The following BCAS1 variants were observed in gnomAD, a reference collection of about 807,000 sequenced individuals.
BCAS1 encodes the protein breast carcinoma-amplified sequence 1.
A neutral mutation model predicts 65.4 loss-of-function variants in BCAS1; 46 were observed. The observed-to-expected ratio is 0.70, with a 90% CI of 0.55 to 0.90. BCAS1 has a LOEUF of 0.90. BCAS1 is among the 40% of genes least tolerant of loss of function. The pLI is 0.00. For missense variants in BCAS1, 793 were observed against 771.2 expected (o/e 1.03, Z -0.33); for synonymous variants, 298 against 293.5 (o/e 1.02, Z -0.16).
chr20:54,057,398 G>A (rs2092312244), intron 3 of BCAS1, among the ~76,000 whole-genome samples: 1 of 152,200 alleles, frequency 6.6e-6, no homozygotes, highest in South Asian at 2.1e-4. Flanking sequence ...TTTTACAGAT[G>A]AGAAAACTGA....
chr20:53,954,813 G>T (rs1484050230), intron 11 of BCAS1, among the ~76,000 whole-genome samples: 1 of 152,184 alleles, frequency 6.6e-6, no homozygotes, highest in African/African-American at 2.4e-5. Context: ...TTAGAGCAGG[G>T]GAGACTGAAT....
At position 53,995,944 on chromosome 20, in the gene BCAS1, G is replaced by A. The variant is rs765753921; in HGVS notation, c.830C>T (p.Ala277Val). ...ATTATTATTCTCTGCTATAGCTGCT[G>A]CCTGGGAATCGTCCTTTGCAGTCTC... ...GLETAKDDSQ[A>V]AAIAENNNSI... Residue 277 changes from alanine (A) to valine (V), a missense_variant, in exon 5 of 13, where the codon GCA becomes GTA. Transcript: ENST00000688948. 6.2e-7 allele frequency: 1 copy of A among 1,613,738 alleles called. No homozygotes were observed. The highest frequency in any genetic ancestry group is 1.1e-5 in the South Asian group (1 of 90,998).
intron 8 of BCAS1, among the ~76,000 whole-genome samples, chr20:53,978,080 C>T (rs1048940096): frequency 3.5e-5 from 5 of 141,958 alleles, no homozygotes; most frequent in African/African-American, 1.3e-4. Flanking sequence ...TGATGTTCCC[C>T]TTCCTGTGTC....
At chr20:53,994,384 C>T (rs1437084543) in intron 6 of BCAS1, among the ~76,000 whole-genome samples, 1 of 152,164 alleles carries the variant, frequency 6.6e-6, no homozygotes, top group Admixed American at 6.6e-5. Flanking sequence ...GGAGAGTGGG[C>T]TGAATTCTTG....
At chr20:54,019,210 C>T (rs553627384) in intron 4 of BCAS1, among the ~76,000 whole-genome samples, 2 of 152,274 alleles carry the variant, frequency 1.3e-5, no homozygotes, top group Non-Finnish European at 2.9e-5. Flanking sequence ...CCTAGCTCAA[C>T]GTTCTCTAGA....
chr20:54,058,943 C>A (rs1323812047), intron 1 of BCAS1, among the ~76,000 whole-genome samples: 5 of 152,134 alleles, frequency 3.3e-5, no homozygotes, highest in Non-Finnish European at 7.3e-5. Flanking sequence ...ACTCATGGTT[C>A]CGCATGGCTG....
chr20:53,996,205 A>T (rs1375366776), intron 4 of BCAS1, among the ~76,000 whole-genome samples, 155 bp from the exon 5 acceptor site: 2 of 151,586 alleles, frequency 1.3e-5, no homozygotes, highest in East Asian at 3.9e-4. Flanking sequence ...TATAAGAGTC[A>T]CTCTTCCTTC....
intron 10 of BCAS1, among the ~76,000 whole-genome samples, chr20:53,959,681 T>C (rs2145569452): frequency 6.6e-6 from 1 of 152,078 alleles, no homozygotes; most frequent in Middle Eastern, 3.4e-3. Context: ...TACAGAAGGG[T>C]TGTGCTCTTT....
chr20:53,963,851 C>A (rs2145603330), intron 10 of BCAS1, among the ~76,000 whole-genome samples: 1 of 152,258 alleles, frequency 6.6e-6, no homozygotes, highest in South Asian at 2.1e-4. Context: ...AGAAATCTAC[C>A]CAATGGGGAC....
intron 3 of BCAS1, among the ~76,000 whole-genome samples, chr20:54,048,345 C>G (rs1320428563): frequency 2.0e-5 from 3 of 152,166 alleles, no homozygotes; most frequent in South Asian, 2.1e-4. Context: ...CAGCCCCAAC[C>G]ATGTATTATT....
In BCAS1 at chr20:53,946,445, T is replaced by C. The variant is rs569367482; in HGVS notation, c.1816-1449A>G. Reference sequence around the variant, plus strand: ...TTGCTGCATGGATCAATTGTGGGCCTCCTTTTATACTATAAGACAGTATAG... The same window carrying C: ...TTGCTGCATGGATCAATTGTGGGCCCCCTTTTATACTATAAGACAGTATAG... On this transcript the variant is annotated intron_variant, in intron 12 of 12. Transcript: ENST00000688948. Among the ~76,000 whole-genome samples, 292 of 151,968 alleles carry C rather than the reference T, an allele frequency of 1.9e-3. 2 individuals are homozygous for C. The highest frequency in any genetic ancestry group is 3.3e-3 in the Non-Finnish European group (222 of 67,998).
rs151151971 is a variant in BCAS1, at chr20:54,046,601, T to C, written c.142+11484A>G. Among the ~76,000 whole-genome samples the C allele has an allele frequency of 4.3e-3, 646 of 150,502 alleles. 2 individuals are homozygous for C. The highest frequency in any genetic ancestry group is 6.6e-3 in the Non-Finnish European group (450 of 67,806). On this transcript the variant is annotated intron_variant, in intron 3 of 12. Coordinates refer to ENST00000688948, the MANE Select transcript of BCAS1 (RefSeq NM_001366298.2). Reference sequence around the variant, plus strand: ...GCTCATACCTGTAATTCTAGCACTTTGGGAGGCTGAGATGGGCAGATCACC... The same window carrying C: ...GCTCATACCTGTAATTCTAGCACTTCGGGAGGCTGAGATGGGCAGATCACC...
At chr20:54,021,591 G>A (rs1252607306) in intron 4 of BCAS1, among the ~76,000 whole-genome samples, 2 of 151,664 alleles carry the variant, frequency 1.3e-5, no homozygotes, top group Admixed American at 6.6e-5. Flanking sequence ...GGATATGGAT[G>A]GAGCTGGAAG....
intron 1 of BCAS1, among the ~76,000 whole-genome samples, chr20:54,059,130 A>G (rs2092345343): frequency 6.6e-6 from 1 of 152,180 alleles, no homozygotes; most frequent in African/African-American, 2.4e-5. Flanking sequence ...AATTACCTCC[A>G]CCTGGTCCCA....
At chr20:54,062,240 A>T (rs545727131) in intron 1 of BCAS1, among the ~76,000 whole-genome samples, 3 of 152,358 alleles carry the variant, frequency 2.0e-5, no homozygotes, top group East Asian at 1.9e-4. Flanking sequence ...AACTCTAAAA[A>T]ATCATAGAAA....
chr20:54,020,436 A>T (rs1340496326), intron 4 of BCAS1, among the ~76,000 whole-genome samples: 4 of 152,238 alleles, frequency 2.6e-5, no homozygotes, highest in Admixed American at 2.6e-4. Context: ...TTGTACTATG[A>T]TTCTAAAGTT....
intron 4 of BCAS1, among the ~76,000 whole-genome samples, chr20:54,019,253 T>C (rs1464934696): frequency 1.3e-5 from 2 of 152,218 alleles, no homozygotes; most frequent in Non-Finnish European, 2.9e-5. Flanking sequence ...AGCTACCTTG[T>C]TAGAGGCCCA....
At chr20:54,018,975 AT>A (rs1351786912) in intron 4 of BCAS1, among the ~76,000 whole-genome samples, 2 of 152,236 alleles carry the variant, frequency 1.3e-5, no homozygotes, top group African/African-American at 2.4e-5. Flanking sequence ...GAAATATAGA[AT>A]TGTATTGACA....
At chr20:53,958,157 G>T (rs1252563907) in intron 10 of BCAS1, among the ~76,000 whole-genome samples, 1 of 152,132 alleles carries the variant, frequency 6.6e-6, no homozygotes, top group East Asian at 1.9e-4. Flanking sequence ...GAGGCTCAAT[G>T]ATCTGCATTT....
Sources: allele counts gnomAD v4.1 joint callset (sites outside exome capture counted in the v4.1 genomes callset), GRCh38; gene constraint gnomAD v4.1.1; transcripts MANE v1.5; gene names NCBI Gene and HGNC (gene_info 2026-07-23, HGNC 2026-07-21).